The following PRORP variants were observed in gnomAD, a reference collection of about 807,000 sequenced individuals.
The protein encoded by PRORP is protein only RNase P catalytic subunit.
A neutral mutation model predicts 59.4 loss-of-function variants in PRORP; 51 were observed. The ratio of observed to expected loss-of-function variants is 0.86; its 90% CI spans 0.69 to 1.08. The LOEUF (loss-of-function observed/expected upper bound fraction) is 1.08. Ranked by LOEUF, PRORP falls within the 50% of genes least tolerant of loss-of-function variation. The probability of loss-of-function intolerance (pLI) is 0.00; values close to 1 mark genes in which losing one functional copy is unlikely to be tolerated. For synonymous variants in PRORP, 231 were observed against 245.6 expected, an observed-to-expected ratio of 0.94 and a Z score of 0.55; for missense variants, 646 against 690.3, an observed-to-expected ratio of 0.94 and a Z score of 0.72.
chr14:35,200,179 A>ATT (rs1245763813), intron 5 of PRORP, among the ~76,000 whole-genome samples: 1 of 149,974 alleles, frequency 6.7e-6, no homozygotes, highest in Admixed American at 6.6e-5. Flanking sequence ...AGTATGCAAA[A>ATT]TTTTTTGTTT....
At chr14:35,149,708 C>T (rs2047697350) in intron 4 of PRORP, among the ~76,000 whole-genome samples, 1 of 152,218 alleles carries the variant, frequency 6.6e-6, no homozygotes, top group Admixed American at 6.5e-5. Context: ...AAACTTTCTT[C>T]ATATCAGCAA....
chr14:35,147,684 T>C (rs528876100), intron 4 of PRORP, among the ~76,000 whole-genome samples: 2 of 152,220 alleles, frequency 1.3e-5, no homozygotes, highest in South Asian at 4.1e-4. Context: ...CCACATAAAT[T>C]GACTCTTCTT....
At chr14:35,136,921 G>T (rs562896474) in intron 4 of PRORP, among the ~76,000 whole-genome samples, 13 of 145,962 alleles carry the variant, frequency 8.9e-5, no homozygotes, top group African/African-American at 2.4e-4. Flanking sequence ...AGATAGAACA[G>T]TCAGAACAAG....
chr14:35,142,403 A>G (rs2047502839), intron 4 of PRORP, among the ~76,000 whole-genome samples: 1 of 134,184 alleles, frequency 7.5e-6, no homozygotes, highest in South Asian at 2.5e-4. Context: ...GCTGGGGTGC[A>G]ATGGTGTGAT....
chr14:35,224,231 A>G (rs550046030), intron 5 of PRORP, among the ~76,000 whole-genome samples: 1 of 152,356 alleles, frequency 6.6e-6, no homozygotes, highest in South Asian at 2.1e-4. Flanking sequence ...ACCTAGTGTC[A>G]TCATAATACT....
chr14:35,190,932 C>T (rs1374060982), intron 5 of PRORP, among the ~76,000 whole-genome samples: 3 of 152,128 alleles, frequency 2.0e-5, no homozygotes, highest in African/African-American at 7.2e-5. Context: ...GATTGGATTT[C>T]TTTTTTCTTT....
chr14:35,237,986 A>G (rs2050262499), intron 5 of PRORP, among the ~76,000 whole-genome samples: 1 of 152,008 alleles, frequency 6.6e-6, no homozygotes, highest in Non-Finnish European at 1.5e-5. Context: ...ATATCTGTTC[A>G]TTAAGTCAAA....
At chr14:35,160,726 G>A (rs1241863837) in intron 4 of PRORP, among the ~76,000 whole-genome samples, 1 of 152,006 alleles carries the variant, frequency 6.6e-6, no homozygotes, top group Non-Finnish European at 1.5e-5. Flanking sequence ...TTTTTTTGTT[G>A]TCATTAATTT....
At chr14:35,209,018 G>A (rs1432562656) in intron 5 of PRORP, among the ~76,000 whole-genome samples, 3 of 151,934 alleles carry the variant, frequency 2.0e-5, no homozygotes, top group Non-Finnish European at 1.5e-5. Context: ...GTGACAGAGT[G>A]AGACTTTGTC....
chr14:35,237,970 G>C (rs2050262130), intron 5 of PRORP, among the ~76,000 whole-genome samples: 1 of 151,870 alleles, frequency 6.6e-6, no homozygotes, highest in South Asian at 2.1e-4. Context: ...TTTTAAATTA[G>C]ATATAATATC....
intron 5 of PRORP, chr14:35,263,134 A>G: frequency 1.2e-6 from 1 of 838,246 alleles, no homozygotes; most frequent in Non-Finnish European, 1.8e-6. Flanking sequence ...TGATTTGGAA[A>G]GAAAAATAAA....
intron 5 of PRORP, among the ~76,000 whole-genome samples, chr14:35,224,339 T>C (rs2049876422): frequency 6.6e-6 from 1 of 152,206 alleles, no homozygotes; most frequent in Non-Finnish European, 1.5e-5. Context: ...TTAGCAAATA[T>C]TCATTTAGAA....
chr14:35,245,977 A>G (rs1405512250), intron 5 of PRORP, among the ~76,000 whole-genome samples: 1 of 152,200 alleles, frequency 6.6e-6, no homozygotes, highest in African/African-American at 2.4e-5. Flanking sequence ...ATGATGGTAT[A>G]GCTGAAAATA....
chr14:35,188,039 A>G (rs2048785001), intron 5 of PRORP, among the ~76,000 whole-genome samples: 1 of 150,910 alleles, frequency 6.6e-6, no homozygotes, highest in Non-Finnish European at 1.5e-5. Context: ...TATTAGAGAC[A>G]GGGTTTCACC....
intron 5 of PRORP, among the ~76,000 whole-genome samples, chr14:35,253,390 AAG>A (rs1007437707): frequency 2.4e-5 from 3 of 124,432 alleles, no homozygotes; most frequent in Non-Finnish European, 5.4e-5. Flanking sequence ...AAGAAAGAAA[AAG>A]AAAGAAAGAA....
intron 5 of PRORP, among the ~76,000 whole-genome samples, chr14:35,216,512 T>TA (rs1375095442): frequency 6.6e-5 from 10 of 152,166 alleles, no homozygotes; most frequent in African/African-American, 2.2e-4. Flanking sequence ...TCTCACTAGG[T>TA]TGTCCACACT....
intron 3 of PRORP, among the ~76,000 whole-genome samples, chr14:35,127,063 CA>C (rs894356629): frequency 1.3e-5 from 2 of 151,950 alleles, no homozygotes; most frequent in African/African-American, 4.8e-5. Flanking sequence ...TTTAATTCAC[CA>C]ATATGATATT....
At chr14:35,168,112 ACTT>A (rs1236336672) in intron 4 of PRORP, among the ~76,000 whole-genome samples, 1 of 152,142 alleles carries the variant, frequency 6.6e-6, no homozygotes, top group Non-Finnish European at 1.5e-5. Context: ...GTATTTTCTT[ACTT>A]CTTCTGTGAA....
At chr14:35,167,847 A>C (rs983217216) in intron 4 of PRORP, among the ~76,000 whole-genome samples, 1 of 152,228 alleles carries the variant, frequency 6.6e-6, no homozygotes, top group Admixed American at 6.5e-5. Flanking sequence ...AGAAGAAATA[A>C]GTGGAAAACA....
Sources: gnomAD v4.1 joint callset for allele counts (sites outside exome capture counted in the v4.1 genomes callset) on GRCh38, gnomAD v4.1.1 for gene constraint, MANE v1.5 for transcripts, NCBI Gene and HGNC (gene_info 2026-07-23, HGNC 2026-07-21) for gene names.